FAM13A: variants seen among roughly 807,000 people sequenced by gnomAD.
The protein encoded by FAM13A is protein FAM13A.
Under a neutral mutation model 129.6 loss-of-function variants are expected in FAM13A, and 76 were observed. That is an observed-to-expected ratio of 0.59 (90% CI 0.49 to 0.71). The LOEUF (loss-of-function observed/expected upper bound fraction) is 0.71. FAM13A is among the 30% of genes least tolerant of loss of function. The pLI is 0.00. For synonymous variants in FAM13A, 443 were observed against 449.9 expected (o/e 0.98, Z 0.20); for missense variants, 1,108 against 1,249.3 (o/e 0.89, Z 1.70).
chr4:88,995,733 G>C (rs1763455781), intron 3 of FAM13A, among the ~76,000 whole-genome samples: 1 of 152,106 alleles, frequency 6.6e-6, no homozygotes, highest in East Asian at 1.9e-4. Flanking sequence ...TTGTGATCAT[G>C]TGAGCCAATA....
intron 6 of FAM13A, among the ~76,000 whole-genome samples, chr4:88,865,974 C>T (rs373620398): frequency 2.9e-5 from 4 of 139,564 alleles, no homozygotes; most frequent in Non-Finnish European, 3.0e-5. Flanking sequence ...TGGGTTCAAG[C>T]GATTTTCATG....
rs532758542 is a variant in FAM13A at position 88,769,645 on chromosome 4, A to G, written c.1459-1586T>C. Among the ~76,000 whole-genome samples the G allele has an allele frequency of 2.0e-5, 3 of 152,214 alleles. No individual in the cohort carries two copies. The South Asian group carries it at 6.2e-4, about 32-fold the overall frequency. On this transcript the variant is annotated intron_variant, in intron 11 of 23. Coordinates refer to ENST00000264344, the MANE Select transcript of FAM13A (RefSeq NM_014883.4). ...TCAAGAGATCGAGACCATCCTGACC[A>G]ACATAGTGAAACCCCATCTCTACTA...
intron 8 of FAM13A, among the ~76,000 whole-genome samples, chr4:88,791,328 AGTG>A (rs1365309793): frequency 6.6e-6 from 1 of 152,164 alleles, no homozygotes; most frequent in Non-Finnish European, 1.5e-5. Context: ...AGTATTGAGA[AGTG>A]GTCAACACAA....
intron 9 of FAM13A, among the ~76,000 whole-genome samples, chr4:88,788,966 A>G (rs1026163829): frequency 3.3e-5 from 5 of 152,204 alleles, no homozygotes; most frequent in African/African-American, 1.2e-4. Context: ...CTTGGGCATT[A>G]GAACTTTTAT....
chr4:88,988,743 A>G (rs1365855237), intron 4 of FAM13A, among the ~76,000 whole-genome samples: 3 of 152,208 alleles, frequency 2.0e-5, no homozygotes, highest in Non-Finnish European at 2.9e-5. Flanking sequence ...AATTTATTCA[A>G]TAAAGTTAAA....
chr4:88,776,560 T>C (rs1168991055), intron 11 of FAM13A, among the ~76,000 whole-genome samples: 1 of 152,232 alleles, frequency 6.6e-6, no homozygotes, highest in Non-Finnish European at 1.5e-5. Context: ...TGAGTTGACA[T>C]ACAAATGTTA....
intron 6 of FAM13A, among the ~76,000 whole-genome samples, chr4:88,880,971 C>A (rs548318103): frequency 6.6e-6 from 1 of 152,114 alleles, no homozygotes. Flanking sequence ...CCGACAGCAG[C>A]CACAGCAAGT....
At chr4:89,042,674 C>T (rs1770309441) in intron 1 of FAM13A, among the ~76,000 whole-genome samples, 1 of 151,928 alleles carries the variant, frequency 6.6e-6, no homozygotes, top group Admixed American at 6.6e-5. Context: ...AAATAAAGAC[C>T]CAACAATCTT....
chr4:88,969,266 C>T (rs576657021), intron 4 of FAM13A, among the ~76,000 whole-genome samples: 13 of 152,194 alleles, frequency 8.5e-5, no homozygotes, highest in South Asian at 4.1e-4. Flanking sequence ...GTTAAATATA[C>T]GAAGCTGGGG....
At chr4:88,988,171 T>C (rs559505362) in intron 4 of FAM13A, among the ~76,000 whole-genome samples, 1 of 151,916 alleles carries the variant, frequency 6.6e-6, no homozygotes, top group East Asian at 1.9e-4. Context: ...CAAAAGTCAA[T>C]GTGGTTGAAA....
At chr4:88,884,505 G>A (rs1744098846) in intron 6 of FAM13A, among the ~76,000 whole-genome samples, 4 of 151,970 alleles carry the variant, frequency 2.6e-5, no homozygotes, top group South Asian at 2.1e-4. Context: ...ATACCTTAAC[G>A]TAATAAAACC....
chr4:89,002,367 A>G (rs890529335), intron 3 of FAM13A, among the ~76,000 whole-genome samples: 2 of 152,172 alleles, frequency 1.3e-5, no homozygotes, highest in African/African-American at 4.8e-5. Flanking sequence ...TCTCCGGGTA[A>G]TATCAAAGGA....
chr4:88,840,874 A>G (rs1561135061), intron 7 of FAM13A, among the ~76,000 whole-genome samples: 1 of 152,206 alleles, frequency 6.6e-6, no homozygotes, highest in South Asian at 2.1e-4. Context: ...CAAAACACCA[A>G]TTCCATGGGA....
At position 88,785,281 on chromosome 4, in the gene FAM13A, C is replaced by T. The variant is rs145439727; in HGVS notation, c.1271+2472G>A. Among the ~76,000 whole-genome samples, 83 of 152,266 alleles carry T rather than the reference C, an allele frequency of 5.5e-4. No homozygotes were observed. In the East Asian group the frequency reaches 0.014, roughly 25 times the overall value. ...GCTTATAGTTTTGAATAGAATATTA[C>T]AGCCTAGCTTAATTTTTCCTTATTT... is the stretch of plus-strand genomic sequence containing the variant. On this transcript the variant is annotated intron_variant, in intron 10 of 23. Coordinates refer to ENST00000264344, the MANE Select transcript of FAM13A (RefSeq NM_014883.4).
At chr4:88,864,702 C>T (rs1271807403) in intron 6 of FAM13A, among the ~76,000 whole-genome samples, 4 of 152,188 alleles carry the variant, frequency 2.6e-5, no homozygotes, top group Non-Finnish European at 5.9e-5. Context: ...CCACCATGCC[C>T]GGCCATTTGT....
At chr4:88,954,752 G>A (rs1757476885) in intron 4 of FAM13A, among the ~76,000 whole-genome samples, 2 of 151,988 alleles carry the variant, frequency 1.3e-5, no homozygotes, top group African/African-American at 4.8e-5. Context: ...CAGGTATGGT[G>A]GTGCGCGCCT....
intron 6 of FAM13A, among the ~76,000 whole-genome samples, chr4:88,901,114 C>T (rs906533134): frequency 6.6e-6 from 1 of 152,068 alleles, no homozygotes; most frequent in Non-Finnish European, 1.5e-5. Flanking sequence ...TATATATGCA[C>T]CCAATACAGG....
At chr4:88,739,540 T>C (rs1298818267) in intron 19 of FAM13A, among the ~76,000 whole-genome samples, 1 of 150,482 alleles carries the variant, frequency 6.6e-6, no homozygotes. Context: ...TTTGGGAGGC[T>C]GAGGTGGGCA....
chr4:88,958,685 G>A (rs1282455463), intron 4 of FAM13A, among the ~76,000 whole-genome samples: 1 of 152,228 alleles, frequency 6.6e-6, no homozygotes, highest in African/African-American at 2.4e-5. Context: ...AGGACAGTGT[G>A]GAGGGGAAAC....
Sources: allele counts gnomAD v4.1 joint callset (sites outside exome capture counted in the v4.1 genomes callset), GRCh38; gene constraint gnomAD v4.1.1; transcripts MANE v1.5; gene names NCBI Gene and HGNC (gene_info 2026-07-23, HGNC 2026-07-21).